LZTS1: variants seen among roughly 807,000 people sequenced by gnomAD.
LZTS1 encodes the protein leucine zipper putative tumor suppressor 1.
LZTS1 carries 31 observed loss-of-function variants against 45.8 expected under a neutral mutation model. That is an observed-to-expected ratio of 0.68 (90% CI 0.51 to 0.91). The LOEUF is 0.91. Among genes scored for constraint, LZTS1 ranks in the 40% least tolerant of loss-of-function variants. The pLI is 0.00. For missense variants in LZTS1, 821 were observed against 788.9 expected (o/e 1.04, Z -0.49); for synonymous variants, 359 against 357.3 (o/e 1.00, Z -0.05).
chr8:20,278,219 T>G (rs1800622023), intron 1 of LZTS1, among the ~76,000 whole-genome samples: 1 of 152,164 alleles, frequency 6.6e-6, no homozygotes, highest in East Asian at 1.9e-4. Flanking sequence ...GTTGGGTGTG[T>G]GGGTTCAAGC....
chr8:20,256,719 CA>C, intron 1 of LZTS1, among the ~76,000 whole-genome samples: 1 of 152,208 alleles, frequency 6.6e-6, no homozygotes, highest in Non-Finnish European at 1.5e-5. Context: ...GGGACAATGC[CA>C]AAGAGAGGAG....
chr8:20,275,327 G>A (rs1175146088), intron 1 of LZTS1, among the ~76,000 whole-genome samples: 6 of 130,254 alleles, frequency 4.6e-5, no homozygotes, highest in Admixed American at 7.9e-5. Flanking sequence ...ACTTGAACCC[G>A]GGAGGCAGAG....
intron 1 of LZTS1, among the ~76,000 whole-genome samples, chr8:20,256,205 A>G (rs997670378): frequency 6.6e-5 from 10 of 152,154 alleles, no homozygotes; most frequent in African/African-American, 2.4e-4. Context: ...TGGCTGTGTG[A>G]GACCCACATG....
rs889355586 is a variant in LZTS1 at position 20,249,467 on chromosome 8, G to C, written c.*255C>G. ...GTTTAGGGAGCCCTTAACCAAAGCA[G>C]ACAGACCCCTGGACCCATCTCCTGG... On this transcript the variant is annotated 3_prime_UTR_variant, in exon 4 of 4. Transcript: ENST00000381569. 1 of 490,600 alleles carries C rather than the reference G, an allele frequency of 2.0e-6. No homozygotes were observed. Among genetic ancestry groups the C allele is most frequent in the Middle Eastern group, 5.5e-4 (1 of 1,832 alleles). 30.4% of individuals were successfully genotyped at this position (490,600 alleles called of 1,614,324 possible). A position where few individuals can be genotyped will look rare whatever the true frequency, so the allele number is the denominator to read the frequency against.
chr8:20,278,143 G>A (rs1800620788), intron 1 of LZTS1, among the ~76,000 whole-genome samples: 1 of 152,160 alleles, frequency 6.6e-6, no homozygotes, highest in Non-Finnish European at 1.5e-5. Flanking sequence ...CCAGGGACAG[G>A]CAGTCTCCCA....
chr8:20,252,983 C>A lies in LZTS1; in HGVS notation c.948G>T (p.Lys316Asn). The A allele has an allele frequency of 6.3e-7, 1 of 1,587,610 alleles. No individual in the cohort carries two copies. Among genetic ancestry groups the A allele is most frequent in the South Asian group, 1.1e-5 (1 of 89,896 alleles). ...LEGPEPKGGN[K>N]LKQASQKSQR... ...GGCTCTTCTGCGAGGCCTGCTTGAG[C>A]TTGTTGCCGCCTTTGGGCTCCGGGC... is the stretch of plus-strand genomic sequence containing the variant. Residue 316 changes from lysine (K) to asparagine (N), a missense_variant, in exon 3 of 4, where the codon AAG (lysine) becomes AAT (asparagine). Coordinates refer to ENST00000381569, the MANE Select transcript of LZTS1 (RefSeq NM_021020.5).
At chr8:20,251,842 C>T (rs528650899) in intron 3 of LZTS1, among the ~76,000 whole-genome samples, 2 of 152,230 alleles carry the variant, frequency 1.3e-5, no homozygotes, top group African/African-American at 4.8e-5. Context: ...TGGGCATAAA[C>T]GTCGATGACG....
At chr8:20,278,158 A>T (rs1458182142) in intron 1 of LZTS1, among the ~76,000 whole-genome samples, 2 of 152,188 alleles carry the variant, frequency 1.3e-5, no homozygotes, top group Non-Finnish European at 2.9e-5. Flanking sequence ...CTCCCAGTAG[A>T]TAGAAACACC....
chr8:20,278,790 C>T (rs796174022), intron 1 of LZTS1, among the ~76,000 whole-genome samples: 2 of 152,296 alleles, frequency 1.3e-5, no homozygotes, highest in African/African-American at 4.8e-5. Flanking sequence ...TTCCACATTG[C>T]AGCAACTAGG....
chr8:20,260,045 A>G (rs910157399), intron 1 of LZTS1, among the ~76,000 whole-genome samples: 3 of 152,076 alleles, frequency 2.0e-5, no homozygotes, highest in Non-Finnish European at 4.4e-5. Flanking sequence ...GGATGACGGC[A>G]CATACCATTA....
At chr8:20,250,966 T>C (rs1016009622) in intron 3 of LZTS1, among the ~76,000 whole-genome samples, 10 of 151,504 alleles carry the variant, frequency 6.6e-5, no homozygotes, top group East Asian at 1.9e-4. Context: ...TGCCAAGCCA[T>C]ACATTTGCTC....
chr8:20,283,944 G>C (rs1585298847), intron 1 of LZTS1, among the ~76,000 whole-genome samples: 2 of 152,176 alleles, frequency 1.3e-5, no homozygotes, highest in South Asian at 2.1e-4. Flanking sequence ...GCTTCCACCA[G>C]AGGCAAAACC....
chr8:20,269,041 T>C (rs553192857), intron 1 of LZTS1, among the ~76,000 whole-genome samples: 9 of 152,208 alleles, frequency 5.9e-5, no homozygotes, highest in African/African-American at 2.2e-4. Context: ...TTGATTGACA[T>C]TTCTCCCCAA....
At position 20,251,113 on chromosome 8, in the gene LZTS1, ATATATATATATAT is replaced by A. The variant is rs1452180649; in HGVS notation, c.1150-763_1150-751del. 2.0e-3 allele frequency among the ~76,000 whole-genome samples: 44 copies of A among 21,832 alleles called. 2 individuals carry two copies. Among genetic ancestry groups the A allele is most frequent in the African/African-American group, 6.4e-3 (41 of 6,436 alleles). The allele number at this position is 21,832 out of a possible 152,430, so 14.3% of individuals were successfully genotyped here. A position where few individuals can be genotyped will look rare whatever the true frequency, so the allele number is the denominator to read the frequency against. Reference sequence around the variant, plus strand: ...CCTGAGGGCTAATATATATATATATATATATATATATATATATATATATATATATATATATAAA... The same window carrying A: ...CCTGAGGGCTAATATATATATATATAATATATATATATATATATATATAAA... On this transcript the variant is annotated intron_variant, in intron 3 of 3. Transcript: ENST00000381569.
intron 1 of LZTS1, among the ~76,000 whole-genome samples, chr8:20,257,826 T>C (rs1470555692): frequency 6.6e-6 from 1 of 152,058 alleles, no homozygotes; most frequent in African/African-American, 2.4e-5. Flanking sequence ...AGCACCACCA[T>C]GACTGGCTGG....
chr8:20,271,190 A>C (rs1352737625), intron 1 of LZTS1, among the ~76,000 whole-genome samples: 1 of 151,896 alleles, frequency 6.6e-6, no homozygotes, highest in Non-Finnish European at 1.5e-5. Context: ...TGGCTGAGGA[A>C]TTTTGACTTC....
intron 1 of LZTS1, chr8:20,290,574 C>T (rs1045252650): frequency 3.3e-5 from 5 of 152,160 alleles, no homozygotes; most frequent in South Asian, 2.1e-4. Context: ...TGTTTAATGC[C>T]GTTTAGGCAG....
At chr8:20,292,966 T>C (rs1328906976) in intron 1 of LZTS1, among the ~76,000 whole-genome samples, 1 of 152,150 alleles carries the variant, frequency 6.6e-6, no homozygotes, top group Non-Finnish European at 1.5e-5. Context: ...GTATTATCCA[T>C]GTGTCCCATT....
chr8:20,276,563 C>T (rs1265377372), intron 1 of LZTS1, among the ~76,000 whole-genome samples: 1 of 152,216 alleles, frequency 6.6e-6, no homozygotes, highest in Non-Finnish European at 1.5e-5. Flanking sequence ...CCTTTCTCTA[C>T]GCATCTCTTC....
Sources: gnomAD v4.1 joint callset for allele counts (sites outside exome capture counted in the v4.1 genomes callset) on GRCh38, gnomAD v4.1.1 for gene constraint, MANE v1.5 for transcripts, NCBI Gene and HGNC (gene_info 2026-07-23, HGNC 2026-07-21) for gene names.